BCL2A1: variants seen among roughly 807,000 people sequenced by gnomAD.
BCL2A1 encodes bcl-2-related protein A1.
A neutral mutation model predicts 14.4 loss-of-function variants in BCL2A1; 10 were observed. The observed-to-expected ratio is 0.69, with a 90% CI of 0.43 to 1.18. BCL2A1 has a LOEUF of 1.18. Among genes scored for constraint, BCL2A1 ranks in the 50% most tolerant of loss-of-function variants. The probability of loss-of-function intolerance (pLI) is 0.00; values close to 1 mark genes in which losing one functional copy is unlikely to be tolerated. For missense variants in BCL2A1, 158 were observed against 205.0 expected (o/e 0.77, Z 1.40); for synonymous variants, 71 against 76.5 (o/e 0.93, Z 0.38).
At chr15:79,961,224 G>A in intron 1 of BCL2A1, 50 bp from the exon 2 acceptor site, 8 of 1,555,760 alleles carry the variant, frequency 5.1e-6, no homozygotes, top group Non-Finnish European at 7.1e-6. Context: ...GATTAAGTAT[G>A]CTGGAATAAA....
At chr15:79,968,757 C>A (rs1385070591) in intron 1 of BCL2A1, among the ~76,000 whole-genome samples, 1 of 152,198 alleles carries the variant, frequency 6.6e-6, no homozygotes, top group Non-Finnish European at 1.5e-5. Context: ...ATGGTGAAAC[C>A]CTGTCTCTAC....
chr15:79,967,556 G>A, intron 1 of BCL2A1: 1 of 1,444,116 alleles, frequency 6.9e-7, no homozygotes, highest in Admixed American at 2.1e-5. Flanking sequence ...AAAGTCTCTG[G>A]GCAATTTTAA....
At chr15:79,970,550 A>G in intron 1 of BCL2A1, 150 bp downstream of exon 1, 1 of 800,694 alleles carries the variant, frequency 1.2e-6, no homozygotes, top group Non-Finnish European at 1.9e-6. Context: ...TAAGCCAGAA[A>G]GTATATTTTT....
chr15:79,963,069 C>T (rs1271952281), intron 1 of BCL2A1, among the ~76,000 whole-genome samples: 4 of 152,148 alleles, frequency 2.6e-5, no homozygotes, highest in Non-Finnish European at 5.9e-5. Flanking sequence ...GCAACCTCTG[C>T]CTCCTGTGTT....
chr15:79,969,436 A>C (rs1022502259), intron 1 of BCL2A1, among the ~76,000 whole-genome samples: 1 of 152,214 alleles, frequency 6.6e-6, no homozygotes, highest in Non-Finnish European at 1.5e-5. Context: ...ATTGTGTGTG[A>C]CAGCAAACTC....
chr15:79,967,392 T>C (rs751122132), intron 1 of BCL2A1, among the ~76,000 whole-genome samples: 10 of 152,012 alleles, frequency 6.6e-5, no homozygotes, highest in Non-Finnish European at 1.0e-4. Context: ...AATTTTGTAT[T>C]TTCAGTAGAG....
chr15:79,967,158 T>C (rs2035549471), intron 1 of BCL2A1, among the ~76,000 whole-genome samples: 1 of 151,356 alleles, frequency 6.6e-6, no homozygotes, highest in African/African-American at 2.4e-5. Flanking sequence ...AGCCCAGAAA[T>C]GAAGCCAGGT....
At chr15:79,966,066 G>C (rs1427278521) in intron 1 of BCL2A1, among the ~76,000 whole-genome samples, 1 of 151,910 alleles carries the variant, frequency 6.6e-6, no homozygotes, top group Non-Finnish European at 1.5e-5. Flanking sequence ...TCCTACTTCA[G>C]AAGGGCAAAG....
At chr15:79,965,245 AGC>A (rs1219287499) in intron 1 of BCL2A1, among the ~76,000 whole-genome samples, 1 of 152,156 alleles carries the variant, frequency 6.6e-6, no homozygotes, top group Admixed American at 6.6e-5. Flanking sequence ...CTCCTGCCTC[AGC>A]CTACCAAGTA....
intron 1 of BCL2A1, among the ~76,000 whole-genome samples, chr15:79,965,294 AT>A (rs2035530508): frequency 1.3e-5 from 2 of 151,828 alleles, no homozygotes; most frequent in Admixed American, 6.6e-5. Context: ...CGCCCAGCTA[AT>A]TTTTTGTATT....
intron 1 of BCL2A1, among the ~76,000 whole-genome samples, chr15:79,969,378 A>G (rs1160342393): frequency 6.6e-6 from 1 of 152,156 alleles, no homozygotes; most frequent in African/African-American, 2.4e-5. Context: ...CTAGAAAACT[A>G]CACACACGCA....
chr15:79,962,204 C>T (rs945172892), intron 1 of BCL2A1, among the ~76,000 whole-genome samples: 3 of 152,160 alleles, frequency 2.0e-5, no homozygotes, highest in South Asian at 2.1e-4. Flanking sequence ...GAGCATAACT[C>T]TTTGATAGTT....
rs1483131461 is a variant in BCL2A1, at chr15:79,970,957, A to G, written c.163T>C (p.Cys55Arg). Residue 55 changes from cysteine (C) to arginine (R), a missense_variant, in exon 1 of 2, where the codon TGC becomes CGC. Physicochemically the swap from Cys to Arg is radical, Grantham distance 180 (BLOSUM62 -3). Coordinates refer to ENST00000267953, the MANE Select transcript of BCL2A1 (RefSeq NM_004049.4). ...QKEVEKNLKS[C>R]LDNVNVVSVD... Reference sequence around the variant, plus strand: ...GACACAACATTAACATTGTCCAAGCATGACTTCAGATTCTTTTCCACTTCT... The same window carrying G: ...GACACAACATTAACATTGTCCAAGCGTGACTTCAGATTCTTTTCCACTTCT... The G allele has an allele frequency of 3.7e-6, 6 of 1,614,254 alleles. No homozygotes were observed. Among genetic ancestry groups the G allele is most frequent in the Non-Finnish European group, 5.1e-6 (6 of 1,180,040 alleles).
intron 1 of BCL2A1, 102 bp downstream of exon 1, chr15:79,970,598 T>C: frequency 8.5e-7 from 1 of 1,181,630 alleles, no homozygotes; most frequent in Non-Finnish European, 1.2e-6. Flanking sequence ...AGGAAAATAG[T>C]ATTCTTAGGT....
chr15:79,969,198 G>T (rs1307970038), intron 1 of BCL2A1, among the ~76,000 whole-genome samples: 2 of 152,120 alleles, frequency 1.3e-5, no homozygotes, highest in African/African-American at 4.8e-5. Flanking sequence ...AAATTATGAT[G>T]AATTGCAGCA....
intron 1 of BCL2A1, among the ~76,000 whole-genome samples, chr15:79,964,191 T>C (rs1275280152): frequency 2.0e-5 from 3 of 152,256 alleles, no homozygotes; most frequent in African/African-American, 7.2e-5. Context: ...TCAGGCCTTA[T>C]TATTTCTGGG....
chr15:79,961,278 C>T, intron 1 of BCL2A1, 104 bp from the exon 2 acceptor site: 1 of 981,346 alleles, frequency 1.0e-6, no homozygotes, highest in Non-Finnish European at 1.5e-6. Flanking sequence ...AGTTAATCTT[C>T]TACCCCTTCT....
In BCL2A1 at chr15:79,970,737, T is replaced by C. The variant is rs759556690; in HGVS notation, c.383A>G (p.Asn128Ser). ...TTGCCTTATCCATTCTCCTGTGTTA[T>C]TCATTATGAACTCCGCAACAAAATA... ...ISYFVAEFIM[N>S]NTGEWIRQNG... Residue 128 changes from asparagine (N) to serine (S), a missense_variant, in exon 1 of 2, where the codon AAT becomes AGT. By Grantham distance (46) the Asn-to-Ser change is conservative. Transcript: ENST00000267953. The C allele has an allele frequency of 1.9e-6, 3 of 1,613,824 alleles. No individual in the cohort carries two copies. The highest frequency in any genetic ancestry group is 2.2e-5 in the East Asian group (1 of 44,884).
At chr15:79,962,724 T>C (rs970343734) in intron 1 of BCL2A1, among the ~76,000 whole-genome samples, 2 of 151,950 alleles carry the variant, frequency 1.3e-5, no homozygotes, top group African/African-American at 4.8e-5. Context: ...ATTTTTGTAT[T>C]TTTAGTAGAG....
Sources: allele counts gnomAD v4.1 joint callset (sites outside exome capture counted in the v4.1 genomes callset), GRCh38; gene constraint gnomAD v4.1.1; transcripts MANE v1.5; gene names NCBI Gene and HGNC (gene_info 2026-07-23, HGNC 2026-07-21).